The following B3GALT5 variants were observed in gnomAD, a reference collection of about 807,000 sequenced individuals.
B3GALT5 encodes the protein beta-1,3-galactosyltransferase 5, also known as UDP-Gal:betaGlcNAc beta 1,3-galactosyltransferase, polypeptide 5.
For missense variants in B3GALT5, 328 were observed against 396.6 expected, an observed-to-expected ratio of 0.83 and a Z score of 1.47; for synonymous variants, 156 against 158.6, an observed-to-expected ratio of 0.98 and a Z score of 0.12.
chr21:39,613,801 A>G (rs912587762), intron 1 of B3GALT5, among the ~76,000 whole-genome samples: 1 of 152,242 alleles, frequency 6.6e-6, no homozygotes, highest in Non-Finnish European at 1.5e-5. Flanking sequence ...TGAGGGATAA[A>G]TACAGCTTCC....
intron 1 of B3GALT5, among the ~76,000 whole-genome samples, chr21:39,645,424 T>C (rs2079327912): frequency 6.6e-6 from 1 of 152,202 alleles, no homozygotes; most frequent in South Asian, 2.1e-4. Flanking sequence ...TGGCTTCTTT[T>C]TCTTAAGTTC....
chr21:39,633,153 G>A (rs921850173), intron 1 of B3GALT5, among the ~76,000 whole-genome samples: 1 of 152,136 alleles, frequency 6.6e-6, no homozygotes, highest in Admixed American at 6.5e-5. Flanking sequence ...AGGGGGAAGA[G>A]GATGTAGACA....
intron 2 of B3GALT5, among the ~76,000 whole-genome samples, chr21:39,649,656 AG>A (rs906714402): frequency 1.7e-3 from 120 of 70,946 alleles, no homozygotes; most frequent in African/African-American, 4.6e-3. Flanking sequence ...AGGAGACCCC[AG>A]GGGCGAGGGG....
intron 1 of B3GALT5, among the ~76,000 whole-genome samples, chr21:39,643,812 C>A (rs1602279909): frequency 6.6e-6 from 1 of 152,160 alleles, no homozygotes; most frequent in Non-Finnish European, 1.5e-5. Context: ...TCTCTCCCTA[C>A]CTTCCCGCAG....
In B3GALT5 at chr21:39,663,080, G is replaced by GA. The variant is rs1482892534; in HGVS notation, c.*1594dup. 2.6e-5 allele frequency: 4 copies of GA among 152,152 alleles called. No individual in the cohort carries two copies. Among genetic ancestry groups the GA allele is most frequent in the Non-Finnish European group, 5.9e-5 (4 of 68,018 alleles). 9.4% of individuals were successfully genotyped at this position (152,152 alleles called of 1,614,324 possible). A position where few individuals can be genotyped will look rare whatever the true frequency, so the allele number is the denominator to read the frequency against. On this transcript the variant is annotated 3_prime_UTR_variant, in exon 4 of 4. Transcript: ENST00000684187. ...TTCAGAAAAGCCTCCTTCTCAGGTG[G>GA]AAAAAATCAGGGACTGAGCTTGTCT...
intron 1 of B3GALT5, among the ~76,000 whole-genome samples, chr21:39,620,423 T>G (rs1426231183): frequency 6.6e-6 from 1 of 152,212 alleles, no homozygotes; most frequent in African/African-American, 2.4e-5. Flanking sequence ...ATGTGATGCA[T>G]TTTCTATTGG....
At chr21:39,616,641 A>G (rs1195864448) in intron 1 of B3GALT5, among the ~76,000 whole-genome samples, 1 of 152,110 alleles carries the variant, frequency 6.6e-6, no homozygotes, top group Admixed American at 6.5e-5. Flanking sequence ...AATTTTTTGA[A>G]TTGTCCTCGA....
intron 2 of B3GALT5, chr21:39,658,014 C>T: frequency 4.5e-6 from 4 of 886,208 alleles, no homozygotes; most frequent in Non-Finnish European, 5.9e-6. Flanking sequence ...TCTGGGGACA[C>T]AGGCTGCCCT....
rs569203166 is a variant in B3GALT5 at position 39,657,840 on chromosome 21, G to A, written c.-160-1913G>A. The A allele has an allele frequency of 9.7e-6, 12 of 1,231,608 alleles. No individual in the cohort carries two copies. The South Asian group carries it at 1.2e-4, about 13-fold the overall frequency. The allele number at this position is 1,231,608 out of a possible 1,614,324, so 76.3% of individuals were successfully genotyped here. On this transcript the variant is annotated intron_variant, in intron 2 of 3. Transcript: ENST00000684187. Reference sequence around the variant, plus strand: ...AATCTGCTGGAGAAACTGCCATTCCGTTATTGACTGGCTGGTCAGGCCATA... The same window carrying A: ...AATCTGCTGGAGAAACTGCCATTCCATTATTGACTGGCTGGTCAGGCCATA...
rs115854908 is a variant in B3GALT5 at position 39,661,566 on chromosome 21, G to T, written c.*74G>T. 1,068 of 1,367,650 alleles carry T rather than the reference G, an allele frequency of 7.8e-4. 7 individuals carry two copies. The African/African-American group carries it at 0.015, about 19-fold the overall frequency. The allele number at this position is 1,367,650 out of a possible 1,614,324, so 84.7% of individuals were successfully genotyped here. The stretch of plus-strand genomic sequence containing the variant: ...TAGTTTTTGCTAGATTTTGGAAGAG[G>T]GGGCGGGACAGAGGATGCTGTTCTT... On this transcript the variant is annotated 3_prime_UTR_variant, in exon 4 of 4. Transcript: ENST00000684187. The surrounding 1 kb of genome is among the most constrained non-coding windows in gnomAD (Gnocchi z 4.7).
At chr21:39,648,440 G>A (rs1433953935) in intron 2 of B3GALT5, among the ~76,000 whole-genome samples, 1 of 152,184 alleles carries the variant, frequency 6.6e-6, no homozygotes, top group Non-Finnish European at 1.5e-5. Flanking sequence ...TGAGTCCCAA[G>A]GCCAGGTGAG....
intron 1 of B3GALT5, among the ~76,000 whole-genome samples, chr21:39,629,212 A>C (rs1436021681): frequency 6.6e-6 from 1 of 152,070 alleles, no homozygotes; most frequent in Non-Finnish European, 1.5e-5. Context: ...ACGAGGTTTC[A>C]CCATGTTGGC....
rs1331557481 is a variant in B3GALT5 at position 39,670,647 on chromosome 21, C to G, written c.*9155C>G. Reference sequence around the variant, plus strand: ...AAATAAAGTGAAACAGATCAACCAGCCTATTGAGTATCTACGTGTTTTTTT... The same window carrying G: ...AAATAAAGTGAAACAGATCAACCAGGCTATTGAGTATCTACGTGTTTTTTT... On this transcript the variant is annotated 3_prime_UTR_variant, in exon 4 of 4. Transcript: ENST00000684187. The G allele has an allele frequency of 6.6e-6, 1 of 152,066 alleles. No individual in the cohort carries two copies. Among genetic ancestry groups the G allele is most frequent in the Non-Finnish European group, 1.5e-5 (1 of 68,014 alleles). 9.4% of individuals were successfully genotyped at this position (152,066 alleles called of 1,614,324 possible).
At chr21:39,634,857 G>A (rs435358) in intron 1 of B3GALT5, among the ~76,000 whole-genome samples, 4 of 152,036 alleles carry the variant, frequency 2.6e-5, no homozygotes, top group Non-Finnish European at 4.4e-5. Flanking sequence ...TATTCATGTC[G>A]GGGCAGTAGA....
At chr21:39,648,030 T>C (rs1362803137) in intron 2 of B3GALT5, among the ~76,000 whole-genome samples, 1 of 152,194 alleles carries the variant, frequency 6.6e-6, no homozygotes, top group African/African-American at 2.4e-5. Flanking sequence ...TAGTTTAGTT[T>C]TGGGTCAGAA....
intron 1 of B3GALT5, among the ~76,000 whole-genome samples, chr21:39,628,352 C>T (rs2123693616): frequency 6.6e-6 from 1 of 152,244 alleles, no homozygotes; most frequent in African/African-American, 2.4e-5. Flanking sequence ...GGTGGGTATC[C>T]ATCACCCGAG....
intron 3 of B3GALT5, among the ~76,000 whole-genome samples, chr21:39,660,211 C>T (rs978158246): frequency 4.6e-5 from 7 of 152,248 alleles, no homozygotes; most frequent in Non-Finnish European, 1.0e-4. Context: ...TGTTTTGCTG[C>T]GCTTCATCAT....
intron 1 of B3GALT5, among the ~76,000 whole-genome samples, chr21:39,623,877 TTCCTCTGCTTTTCC>T (rs1203373033): frequency 6.6e-6 from 1 of 152,244 alleles, no homozygotes; most frequent in African/African-American, 2.4e-5. Context: ...CACATATTTT[TTCCTCTGCTTTTCC>T]TCCATTCCTT....
intron 1 of B3GALT5, among the ~76,000 whole-genome samples, chr21:39,643,507 C>T (rs1569214201): frequency 6.6e-6 from 1 of 152,108 alleles, no homozygotes; most frequent in African/African-American, 2.4e-5. Context: ...CCTTGCCTGC[C>T]TCTGCTTTCG....
Sources: gnomAD v4.1 joint callset for allele counts (sites outside exome capture counted in the v4.1 genomes callset) on GRCh38, gnomAD v4.1.1 for gene constraint, Gnocchi (gnomAD v3.1) non-coding constraint, MANE v1.5 for transcripts, NCBI Gene and HGNC (gene_info 2026-07-23, HGNC 2026-07-21) for gene names.